The following LRRTM4 variants were observed in gnomAD, a reference collection of about 807,000 sequenced individuals.
LRRTM4 encodes the protein leucine-rich repeat transmembrane neuronal protein 4.
A neutral mutation model predicts 47.6 loss-of-function variants in LRRTM4; 25 were observed. The ratio of observed to expected loss-of-function variants is 0.53; its 90% CI spans 0.38 to 0.73. The LOEUF is 0.73. Among genes scored for constraint, LRRTM4 ranks in the 30% least tolerant of loss-of-function variants. The pLI is 0.00. For synonymous variants in LRRTM4, 311 were observed against 269.5 expected (o/e 1.15, Z -1.51); for missense variants, 638 against 713.4 (o/e 0.89, Z 1.20).
intron 3 of LRRTM4, among the ~76,000 whole-genome samples, chr2:77,106,298 G>A (rs1205803815): frequency 6.6e-6 from 1 of 152,124 alleles, no homozygotes; most frequent in Non-Finnish European, 1.5e-5. Context: ...ATAACCTTCT[G>A]GAGAGCAGAG....
At chr2:77,415,653 T>A (rs937882859) in intron 3 of LRRTM4, among the ~76,000 whole-genome samples, 4 of 152,146 alleles carry the variant, frequency 2.6e-5, no homozygotes, top group Admixed American at 6.6e-5. Flanking sequence ...TCCTTAGAAG[T>A]ACTATTTTTT....
intron 3 of LRRTM4, among the ~76,000 whole-genome samples, chr2:77,364,554 T>C (rs1386781545): frequency 6.6e-6 from 1 of 152,100 alleles, no homozygotes; most frequent in African/African-American, 2.4e-5. Flanking sequence ...AGGGTGCTGG[T>C]TGAATTCCTA....
At chr2:77,332,467 G>A (rs1290754012) in intron 3 of LRRTM4, among the ~76,000 whole-genome samples, 1 of 152,014 alleles carries the variant, frequency 6.6e-6, no homozygotes, top group Non-Finnish European at 1.5e-5. Flanking sequence ...CTAGAAACTG[G>A]GGTATGTATG....
intron 3 of LRRTM4, among the ~76,000 whole-genome samples, chr2:77,000,539 G>T (rs1677382261): frequency 6.6e-6 from 1 of 152,158 alleles, no homozygotes; most frequent in South Asian, 2.1e-4. Flanking sequence ...TGTGCTCAGG[G>T]ACTGCATACT....
At chr2:77,163,259 G>A (rs2103814083) in intron 3 of LRRTM4, among the ~76,000 whole-genome samples, 1 of 152,208 alleles carries the variant, frequency 6.6e-6, no homozygotes, top group South Asian at 2.1e-4. Context: ...GAAATGAGGT[G>A]AGAAGAGAAG....
intron 3 of LRRTM4, among the ~76,000 whole-genome samples, chr2:76,980,387 A>T (rs971492076): frequency 6.6e-6 from 1 of 152,094 alleles, no homozygotes; most frequent in African/African-American, 2.4e-5. Flanking sequence ...AAAGAAAAAC[A>T]ATGGTCCTGA....
intron 3 of LRRTM4, among the ~76,000 whole-genome samples, chr2:76,786,702 A>G (rs948511102): frequency 3.3e-5 from 5 of 152,068 alleles, no homozygotes; most frequent in Admixed American, 2.6e-4. Flanking sequence ...CCTGCTTTCT[A>G]AGTGGTTCCC....
At chr2:77,464,748 G>T (rs1057313197) in intron 3 of LRRTM4, among the ~76,000 whole-genome samples, 3 of 152,182 alleles carry the variant, frequency 2.0e-5, no homozygotes, top group Middle Eastern at 3.4e-3. Context: ...CTCTGAAAAT[G>T]TAGCCAATGA....
chr2:77,522,127 C>A lies in LRRTM4; in HGVS notation c.-166G>T, dbSNP rs1216316461. 1.4e-6 allele frequency: 1 copy of A among 716,012 alleles called. No homozygotes were observed. Among genetic ancestry groups the A allele is most frequent in the Non-Finnish European group, 2.6e-6 (1 of 384,250 alleles). 44.4% of individuals were successfully genotyped at this position (716,012 alleles called of 1,614,324 possible). A position where few individuals can be genotyped will look rare whatever the true frequency, so the allele number is the denominator to read the frequency against. On this transcript the variant is annotated 5_prime_UTR_variant, in exon 1 of 4. Coordinates refer to ENST00000409884, the MANE Select transcript of LRRTM4 (RefSeq NM_001134745.3). Reference sequence around the variant, plus strand: ...AGAATACCTGGCATTCCTTATTGTGCTGGCTTTTGCCATTCCCAGATAAAG... The same window carrying A: ...AGAATACCTGGCATTCCTTATTGTGATGGCTTTTGCCATTCCCAGATAAAG...
chr2:77,484,129 A>C (rs758985803), intron 3 of LRRTM4, among the ~76,000 whole-genome samples: 1 of 152,214 alleles, frequency 6.6e-6, no homozygotes, highest in Admixed American at 6.5e-5. Context: ...CTAGACACAC[A>C]CAATACTGGT....
intron 3 of LRRTM4, among the ~76,000 whole-genome samples, chr2:77,350,150 G>A (rs1278537075): frequency 5.4e-5 from 8 of 149,220 alleles, no homozygotes; most frequent in Non-Finnish European, 8.9e-5. Context: ...GTGAAACCCC[G>A]TCTCTACTAA....
At chr2:77,059,379 T>G (rs1157923141) in intron 3 of LRRTM4, among the ~76,000 whole-genome samples, 2 of 152,182 alleles carry the variant, frequency 1.3e-5, no homozygotes, top group Admixed American at 1.3e-4. Flanking sequence ...CTTTATTTCC[T>G]TTTTTACTTG....
chr2:77,163,975 TA>T (rs1319915640), intron 3 of LRRTM4, among the ~76,000 whole-genome samples: 5 of 152,158 alleles, frequency 3.3e-5, no homozygotes, highest in South Asian at 2.1e-4. Context: ...ACCTTAAATG[TA>T]AATGGGCTAA....
At chr2:76,858,513 T>C (rs1002738113) in intron 3 of LRRTM4, among the ~76,000 whole-genome samples, 6 of 152,154 alleles carry the variant, frequency 3.9e-5, no homozygotes, top group African/African-American at 1.4e-4. Context: ...AGTGGGGCTA[T>C]ATGTTTTGTT....
chr2:77,398,798 T>C (rs1487347134), intron 3 of LRRTM4, among the ~76,000 whole-genome samples: 2 of 151,766 alleles, frequency 1.3e-5, no homozygotes, highest in African/African-American at 2.4e-5. Flanking sequence ...AAAAACAATG[T>C]GTGTTTGCAG....
At chr2:76,806,206 C>G (rs1675958551) in intron 3 of LRRTM4, among the ~76,000 whole-genome samples, 1 of 152,052 alleles carries the variant, frequency 6.6e-6, no homozygotes. Context: ...ACTAGGCACT[C>G]AGAAAAAGGA....
intron 3 of LRRTM4, among the ~76,000 whole-genome samples, chr2:77,047,645 T>G (rs201353423): frequency 6.6e-6 from 1 of 152,086 alleles, no homozygotes; most frequent in South Asian, 2.1e-4. Context: ...ACCAGTCATA[T>G]TGGATTAATG....
intron 3 of LRRTM4, among the ~76,000 whole-genome samples, chr2:77,289,632 C>T (rs928018994): frequency 6.6e-6 from 1 of 151,910 alleles, no homozygotes; most frequent in Non-Finnish European, 1.5e-5. Flanking sequence ...TAGGTTACTA[C>T]CGACAATTTG....
intron 3 of LRRTM4, among the ~76,000 whole-genome samples, chr2:77,000,065 G>A (rs940990903): frequency 5.3e-5 from 8 of 152,110 alleles, no homozygotes; most frequent in Non-Finnish European, 1.2e-4. Context: ...TATCACCTAA[G>A]TGAATTTTTG....
Sources: allele counts gnomAD v4.1 joint callset (sites outside exome capture counted in the v4.1 genomes callset), GRCh38; gene constraint gnomAD v4.1.1; transcripts MANE v1.5; gene names NCBI Gene and HGNC (gene_info 2026-07-23, HGNC 2026-07-21).